The following MC2R variants were observed in gnomAD, a reference collection of about 807,000 sequenced individuals.
MC2R encodes the protein adrenocorticotropic hormone receptor.
A neutral mutation model predicts 9.8 loss-of-function variants in MC2R; 9 were observed. That is an observed-to-expected ratio of 0.92 (90% CI 0.55 to 1.60). The LOEUF is 1.60. Among genes scored for constraint, MC2R ranks in the 40% most tolerant of loss-of-function variants. The pLI, the probability that MC2R is intolerant of heterozygous loss-of-function variation, is 0.00. For missense variants in MC2R, 370 were observed against 389.0 expected, an observed-to-expected ratio of 0.95 and a Z score of 0.41; for synonymous variants, 185 against 154.7, an observed-to-expected ratio of 1.20 and a Z score of -1.45.
chr18:13,904,439 A>G (rs1007218476), intron 1 of MC2R, among the ~76,000 whole-genome samples: 2 of 151,870 alleles, frequency 1.3e-5, no homozygotes, highest in African/African-American at 2.4e-5. Context: ...CACAGCTAGC[A>G]TCATACTGAA....
In MC2R at chr18:13,884,833, A is replaced by G. The variant is rs749660557; in HGVS notation, c.686T>C (p.Ile229Thr). 1 of 1,614,036 alleles carries G rather than the reference A, an allele frequency of 6.2e-7. No homozygotes were observed. Among genetic ancestry groups the G allele is most frequent in the Non-Finnish European group, 8.5e-7 (1 of 1,180,020 alleles). ...ITLTILLGVF[I>T]FCWAPFVLHV... ...AAGCACAAAGGGGGCCCAGCAGAAG[A>G]TGAAGACCCCGAGCAGGATGGTCAG... The change falls in exon 2 of 2, where the codon ATC (isoleucine) becomes ACC (threonine). Residue 229 changes from isoleucine to threonine, a missense_variant. Transcript: ENST00000327606.
At chr18:13,906,470 A>G (rs1453041091) in intron 1 of MC2R, among the ~76,000 whole-genome samples, 6 of 152,122 alleles carry the variant, frequency 3.9e-5, no homozygotes, top group Non-Finnish European at 8.8e-5. Context: ...GGACGGGTCA[A>G]TAGGTGCAGC....
intron 1 of MC2R, among the ~76,000 whole-genome samples, chr18:13,888,892 G>T (rs968911340): frequency 2.0e-5 from 3 of 152,204 alleles, no homozygotes; most frequent in African/African-American, 7.2e-5. Context: ...ATAGGGGTCT[G>T]CACCTGCCAT....
At chr18:13,913,285 A>G (rs1340668701) in intron 1 of MC2R, among the ~76,000 whole-genome samples, 1 of 152,112 alleles carries the variant, frequency 6.6e-6, no homozygotes, top group Non-Finnish European at 1.5e-5. Context: ...TCTGAGCTTC[A>G]CTGCTCATGG....
intron 1 of MC2R, among the ~76,000 whole-genome samples, chr18:13,886,867 T>A (rs977419486): frequency 3.3e-5 from 5 of 152,020 alleles, no homozygotes; most frequent in Non-Finnish European, 4.4e-5. Flanking sequence ...TAGGGACTTG[T>A]CTGGAAAGGA....
intron 1 of MC2R, among the ~76,000 whole-genome samples, chr18:13,898,800 A>G (rs2045362072): frequency 6.6e-6 from 1 of 152,188 alleles, no homozygotes; most frequent in East Asian, 1.9e-4. Flanking sequence ...GTCTGCAAGA[A>G]CCACAGTGTT....
intron 1 of MC2R, among the ~76,000 whole-genome samples, chr18:13,898,580 T>A (rs372903235): frequency 6.6e-6 from 1 of 152,214 alleles, no homozygotes; most frequent in Admixed American, 6.5e-5. Flanking sequence ...GACTGAGTGC[T>A]GTGCTGGCTT....
At chr18:13,897,019 A>G (rs934764135) in intron 1 of MC2R, among the ~76,000 whole-genome samples, 1 of 152,176 alleles carries the variant, frequency 6.6e-6, no homozygotes, top group African/African-American at 2.4e-5. Flanking sequence ...CAATTCAACA[A>G]CTATCTACAT....
chr18:13,888,870 T>G (rs2045295308), intron 1 of MC2R, among the ~76,000 whole-genome samples: 1 of 152,204 alleles, frequency 6.6e-6, no homozygotes, highest in African/African-American at 2.4e-5. Flanking sequence ...GTCTTTGGCT[T>G]AAAGAACTTG....
intron 1 of MC2R, among the ~76,000 whole-genome samples, chr18:13,905,917 A>G (rs998573045): frequency 1.3e-5 from 2 of 152,086 alleles, no homozygotes; most frequent in South Asian, 2.1e-4. Flanking sequence ...TTAGCTGGGC[A>G]TGATGACGCA....
intron 1 of MC2R, among the ~76,000 whole-genome samples, chr18:13,893,694 C>T (rs772568666): frequency 3.3e-5 from 5 of 152,112 alleles, no homozygotes; most frequent in African/African-American, 4.8e-5. Context: ...GAGGGAAGCT[C>T]GACTGAAATC....
chr18:13,898,014 T>C (rs2045356857), intron 1 of MC2R, among the ~76,000 whole-genome samples: 1 of 151,998 alleles, frequency 6.6e-6, no homozygotes, highest in Non-Finnish European at 1.5e-5. Flanking sequence ...CAGGGGACTT[T>C]GTCTTGCACC....
chr18:13,891,402 T>C (rs866010568), intron 1 of MC2R, among the ~76,000 whole-genome samples: 1 of 152,362 alleles, frequency 6.6e-6, no homozygotes, highest in African/African-American at 2.4e-5. Context: ...TCTACGTATA[T>C]AGTTTTGTGT....
Position 13,884,653 on chromosome 18 carries a change from T to C in MC2R, c.866A>G (p.Lys289Arg). 6.2e-7 allele frequency: 1 copy of C among 1,613,498 alleles called. No individual in the cohort carries two copies. The highest frequency in any genetic ancestry group is 8.5e-7 in the Non-Finnish European group (1 of 1,180,036). The change falls in exon 2 of 2, where the codon AAG becomes AGG. Residue 289 changes from lysine to arginine, a missense_variant. Lys to Arg is a conservative substitution (Grantham distance 26). Transcript: ENST00000327606. ...RSPELRDAFK[K>R]MIFCSRYW Reference sequence around the variant, plus strand: ...CCAGTACCTGCTGCAGAAGATCATCTTTTTGAATGCGTCCCTGAGCTCTGG... The same window carrying C: ...CCAGTACCTGCTGCAGAAGATCATCCTTTTGAATGCGTCCCTGAGCTCTGG...
chr18:13,885,582 A>C lies in MC2R; in HGVS notation c.-64T>G. The C allele has an allele frequency of 6.4e-7, 1 of 1,558,838 alleles. No individual in the cohort carries two copies. The highest frequency in any genetic ancestry group is 1.7e-5 in the Admixed American group (1 of 58,940). On this transcript the variant is annotated 5_prime_UTR_variant, in exon 2 of 2. Transcript: ENST00000327606. ...CTTGACTTCACGGAAAACTTGATTG[A>C]TTCTTCAGGATCTTTTCTTCCTTGT... is the stretch of plus-strand genomic sequence containing the variant.
chr18:13,913,795 C>T (rs763075794), intron 1 of MC2R, among the ~76,000 whole-genome samples: 15 of 152,174 alleles, frequency 9.9e-5, no homozygotes, highest in Non-Finnish European at 1.6e-4. Context: ...CCCGTCTATG[C>T]ACCTGTAGCT....
At chr18:13,910,927 G>A (rs1386161418) in intron 1 of MC2R, among the ~76,000 whole-genome samples, 1 of 152,180 alleles carries the variant, frequency 6.6e-6, no homozygotes, top group Non-Finnish European at 1.5e-5. Flanking sequence ...CCCCATCATG[G>A]GTGAAAGCAT....
Position 13,885,012 on chromosome 18 carries a change from G to C in MC2R, c.507C>G (p.Ser169=). 3.1e-6 allele frequency: 5 copies of C among 1,614,186 alleles called. No homozygotes were observed. The highest frequency in any genetic ancestry group is 4.2e-6 in the Non-Finnish European group (5 of 1,180,044). ...AGGTGATCACTGTGGGCACATGATG[G>C]GAGAAGATCACCATGGTGATGCCAG... The part of the protein sequence containing the change: ...TGTGITMVIF[S]HHVPTVITFT... Residue 169 remains serine (S), a synonymous_variant, in exon 2 of 2, where the codon TCC becomes TCG. Coordinates refer to ENST00000327606, the MANE Select transcript of MC2R (RefSeq NM_000529.2).
rs776404903 is a variant in MC2R at position 13,884,712 on chromosome 18, G to A, written c.807C>T (p.Ala269=). Residue 269 remains alanine (A), a synonymous_variant, in exon 2 of 2, where the codon GCC becomes GCT. Coordinates refer to ENST00000327606, the MANE Select transcript of MC2R (RefSeq NM_000529.2). ...AGGCATATATGAAGGGGTCAATGACGGCATTGCACATGATCAACATGCCGT... is the reference window on the plus strand; with the variant it reads ...AGGCATATATGAAGGGGTCAATGACAGCATTGCACATGATCAACATGCCGT... ...QVNGMLIMCN[A]VIDPFIYAFR... is the part of the protein sequence containing the mutation. 2.5e-5 allele frequency: 40 copies of A among 1,614,114 alleles called. No homozygotes were observed. Among genetic ancestry groups the A allele is most frequent in the African/African-American group, 6.7e-5 (5 of 75,030 alleles).
Sources: allele counts gnomAD v4.1 joint callset (sites outside exome capture counted in the v4.1 genomes callset), GRCh38; gene constraint gnomAD v4.1.1; transcripts MANE v1.5; gene names NCBI Gene and HGNC (gene_info 2026-07-23, HGNC 2026-07-21).